PFKFB3: variants seen among roughly 807,000 people sequenced by gnomAD.
PFKFB3 encodes the protein 6-phosphofructo-2-kinase/fructose-2,6-biphosphatase 3, also known as 6-phosphofructo-2-kinase/fructose-2,6-bisphosphatase 3.
A neutral mutation model predicts 68.0 loss-of-function variants in PFKFB3; 33 were observed. The observed-to-expected ratio is 0.49, with a 90% confidence interval of 0.37 to 0.65. PFKFB3 has a LOEUF of 0.65. PFKFB3 is among the 30% of genes least tolerant of loss of function. PFKFB3 has a pLI of 0.00. For missense variants in PFKFB3, 586 were observed against 712.2 expected (o/e 0.82, Z 2.02); for synonymous variants, 315 against 288.2 (o/e 1.09, Z -0.94).
intron 13 of PFKFB3, among the ~76,000 whole-genome samples, chr10:6,225,783 G>C (rs1845307971): frequency 6.8e-6 from 1 of 147,576 alleles, no homozygotes; most frequent in African/African-American, 2.4e-5. Context: ...CAGCACAGTT[G>C]CCTTCCCCTC....
chr10:6,318,763 A>G, the PFKFB3 span, among the ~76,000 whole-genome samples: 4 of 152,226 alleles, frequency 2.6e-5, no homozygotes, highest in Non-Finnish European at 5.9e-5. Flanking sequence ...CATTATTCCC[A>G]GGAGGCAATC....
rs373515472 is a variant in PFKFB3, at chr10:6,164,895, C to T, written c.16+19882C>T. The stretch of plus-strand genomic sequence containing the variant: ...CCTACAGCCACAGGGCGGTTTTCTC[C>T]TATCTCAGAATAGAACGAATGGGAT... On this transcript the variant is annotated intron_variant, in intron 1 of 14. Transcript: ENST00000379789. 2.6e-5 allele frequency among the ~76,000 whole-genome samples: 4 copies of T among 152,272 alleles called. No individual in the cohort carries two copies. The South Asian group carries it at 8.3e-4, about 32-fold the overall frequency.
At chr10:6,306,504 G>A in the PFKFB3 span, among the ~76,000 whole-genome samples, 6 of 152,324 alleles carry the variant, frequency 3.9e-5, no homozygotes, top group African/African-American at 9.6e-5. Context: ...GTGGATGGCC[G>A]TGGGCTCAGA....
the PFKFB3 span, among the ~76,000 whole-genome samples, chr10:6,302,586 G>T: frequency 6.7e-6 from 1 of 150,294 alleles, no homozygotes; most frequent in South Asian, 2.1e-4. Context: ...TCACCATGTT[G>T]GCCAGGCTGG....
intron 1 of PFKFB3, among the ~76,000 whole-genome samples, chr10:6,205,544 C>T (rs751965285): frequency 8.6e-5 from 13 of 152,034 alleles, no homozygotes; most frequent in South Asian, 2.1e-4. Flanking sequence ...AGGCGCACGC[C>T]GCCATGCCCA....
At chr10:6,153,592 A>G (rs10905908) in intron 1 of PFKFB3, among the ~76,000 whole-genome samples, 147,496 of 152,262 alleles carry the variant, frequency 0.97, 71,621 homozygotes, top group East Asian at 1. Flanking sequence ...GGTGGCTCAC[A>G]CCTCTAATCC....
chr10:6,277,726 A>T, the PFKFB3 span: 2 of 410,250 alleles, frequency 4.9e-6, no homozygotes, highest in Middle Eastern at 1.2e-3. Flanking sequence ...AGCTGAGCAG[A>T]TGCCAGCACC....
In PFKFB3 at chr10:6,216,129, T is replaced by C; in HGVS notation, c.304T>C (p.Cys102Arg). The change falls in exon 4 of 15, where the codon TGT becomes CGT. Residue 102 changes from cysteine to arginine, a missense_variant. Cys to Arg is a radical substitution (Grantham distance 180). Coordinates refer to ENST00000379775, the MANE Select transcript of PFKFB3 (RefSeq NM_004566.4). ...GCAATGTCTTGTGCATTCCAGGCAATGTGCCTTAGCTGCCTTGAGAGATGT... is the reference window on the plus strand; with the variant it reads ...GCAATGTCTTGTGCATTCCAGGCAACGTGCCTTAGCTGCCTTGAGAGATGT... ...NEEAMKVRKQ[C>R]ALAALRDVKS... 1.9e-6 allele frequency: 3 copies of C among 1,614,082 alleles called. No individual in the cohort carries two copies. Among genetic ancestry groups the C allele is most frequent in the Non-Finnish European group, 2.5e-6 (3 of 1,179,962 alleles).
At chr10:6,273,337 G>A in the PFKFB3 span, among the ~76,000 whole-genome samples, 1 of 152,104 alleles carries the variant, frequency 6.6e-6, no homozygotes, top group Admixed American at 6.5e-5. Flanking sequence ...TTCCTCTTCT[G>A]GGGCCCGAGG....
chr10:6,224,934 C>G (rs1845229382), intron 13 of PFKFB3, among the ~76,000 whole-genome samples: 1 of 148,928 alleles, frequency 6.7e-6, no homozygotes, highest in Non-Finnish European at 1.5e-5. Context: ...CTCAGAACCA[C>G]CAAGAACACG....
Position 6,228,113 on chromosome 10 carries a change from C to T in PFKFB3, c.1515+1748C>T, listed in dbSNP as rs113048804. On this transcript the variant is annotated intron_variant, in intron 14 of 14. Coordinates refer to ENST00000379775, the MANE Select transcript of PFKFB3 (RefSeq NM_004566.4). This position sits in a 1 kb window ranked among gnomAD's most constrained non-coding sequence, Gnocchi z 4.5. Reference sequence around the variant, plus strand: ...GGACGTCTGAAGCTGCTGGCTGGGCCGGCGTGGGGTTTTTCAGGGCTTCGT... The same window carrying T: ...GGACGTCTGAAGCTGCTGGCTGGGCTGGCGTGGGGTTTTTCAGGGCTTCGT... The T allele has an allele frequency of 4.1e-4, 611 of 1,491,504 alleles. 1 individual carries two copies. Among genetic ancestry groups the T allele is most frequent in the African/African-American group, 3.2e-3 (230 of 72,584 alleles). The allele number at this position is 1,491,504 out of a possible 1,614,324, so 92.4% of individuals were successfully genotyped here.
intron 1 of PFKFB3, among the ~76,000 whole-genome samples, chr10:6,183,647 TATAA>T (rs1564604156): frequency 6.7e-6 from 1 of 148,292 alleles, no homozygotes; most frequent in Non-Finnish European, 1.5e-5. Context: ...ATAAATAATA[TATAA>T]ATAATTACAT....
At chr10:6,313,944 G>A in the PFKFB3 span, among the ~76,000 whole-genome samples, 7 of 152,328 alleles carry the variant, frequency 4.6e-5, no homozygotes, top group East Asian at 7.7e-4. The surrounding 1 kb of genome is among the most constrained non-coding windows in gnomAD (Gnocchi z 4.2). Context: ...TCACCCTAGC[G>A]CCAAGGTGGT....
At chr10:6,247,185 C>T (rs987932863) in intron 14 of PFKFB3, among the ~76,000 whole-genome samples, 2 of 152,150 alleles carry the variant, frequency 1.3e-5, no homozygotes, top group Non-Finnish European at 2.9e-5. Context: ...GGATACGTCA[C>T]GGTGGGGCCA....
chr10:6,163,670 T>C (rs904648128), intron 1 of PFKFB3, among the ~76,000 whole-genome samples: 1 of 151,958 alleles, frequency 6.6e-6, no homozygotes, highest in Non-Finnish European at 1.5e-5. Context: ...CGGGAGCAGC[T>C]GCGGGCCCGA....
intron 1 of PFKFB3, among the ~76,000 whole-genome samples, chr10:6,185,831 G>T (rs905806828): frequency 3.3e-5 from 5 of 152,148 alleles, no homozygotes; most frequent in East Asian, 1.9e-4. Context: ...GTTGAGACAG[G>T]GTTTCGCCAT....
In PFKFB3 at chr10:6,173,469, A is replaced by G. The variant is rs1347405532; in HGVS notation, c.16+28456A>G. Among the ~76,000 whole-genome samples the G allele has an allele frequency of 2.0e-5, 3 of 152,244 alleles. No individual in the cohort carries two copies. The East Asian group carries it at 5.8e-4, about 29-fold the overall frequency. On this transcript the variant is annotated intron_variant, in intron 1 of 14. Transcript: ENST00000379789. ...AGGGGTTGTGCTGAATGCAGAGAAC[A>G]AGATACAAACTTAAAGAGGCCTAGG...
chr10:6,314,189 C>A, the PFKFB3 span, among the ~76,000 whole-genome samples: 1 of 152,202 alleles, frequency 6.6e-6, no homozygotes, highest in East Asian at 1.9e-4. Context: ...AAAATGATTT[C>A]CTCTTTTTAC....
the PFKFB3 span, among the ~76,000 whole-genome samples, chr10:6,317,603 C>T: frequency 6.6e-5 from 10 of 152,034 alleles, no homozygotes; most frequent in South Asian, 1.2e-3. Context: ...GCCGGTGGAG[C>T]GGAAGGCATT....
Sources: gnomAD v4.1 joint callset for allele counts (sites outside exome capture counted in the v4.1 genomes callset) on GRCh38, gnomAD v4.1.1 for gene constraint, Gnocchi (gnomAD v3.1) non-coding constraint, MANE v1.5 for transcripts, NCBI Gene and HGNC (gene_info 2026-07-23, HGNC 2026-07-21) for gene names.